Variants in RNPC3 observed in about 807,000 individuals in gnomAD.
RNPC3 encodes RNA-binding region-containing protein 3.
In RNPC3, 48 loss-of-function variants were observed where a neutral mutation model predicts 67.5. That is an observed-to-expected ratio of 0.71 (90% CI 0.56 to 0.90). RNPC3 has a LOEUF of 0.90. RNPC3 is among the 40% of genes least tolerant of loss of function. The probability of loss-of-function intolerance (pLI) is 0.00; values close to 1 mark genes in which losing one functional copy is unlikely to be tolerated. For missense variants in RNPC3, 637 were observed against 626.1 expected, an observed-to-expected ratio of 1.02 and a Z score of -0.19; for synonymous variants, 239 against 210.3, an observed-to-expected ratio of 1.14 and a Z score of -1.18.
intron 2 of RNPC3, among the ~76,000 whole-genome samples, chr1:103,528,118 T>G (rs1302428291): frequency 6.6e-6 from 1 of 152,228 alleles, no homozygotes; most frequent in Non-Finnish European, 1.5e-5. Context: ...TTGGATTTTT[T>G]CAGAAGGAAA....
chr1:103,551,827 C>A, intron 14 of RNPC3, 35 bp downstream of exon 14: 5 of 1,037,766 alleles, frequency 4.8e-6, no homozygotes, highest in South Asian at 1.6e-5. Flanking sequence ...AAAGACAAGA[C>A]TAATTCTTGA....
intron 11 of RNPC3, chr1:103,546,761 T>C (rs1651253159): frequency 7.1e-6 from 3 of 424,192 alleles, no homozygotes; most frequent in African/African-American, 6.2e-5. Context: ...CCTTGGCTTG[T>C]GGAAGCATCA....
chr1:103,540,055 T>G (rs1045956205), intron 7 of RNPC3, among the ~76,000 whole-genome samples: 3 of 152,136 alleles, frequency 2.0e-5, no homozygotes, highest in African/African-American at 4.8e-5. Context: ...TTTGTAGAGA[T>G]AGGGTTTCAC....
At chr1:103,553,724 T>A (rs983767496) in intron 14 of RNPC3, 2 of 152,208 alleles carry the variant, frequency 1.3e-5, no homozygotes, top group Non-Finnish European at 2.9e-5. Context: ...AAGGAAATGT[T>A]TTTCTTTTAA....
chr1:103,543,624 T>C (rs568632849), intron 9 of RNPC3, among the ~76,000 whole-genome samples, 177 bp downstream of exon 9: 29 of 151,918 alleles, frequency 1.9e-4, no homozygotes, highest in African/African-American at 7.0e-4. Context: ...CAGAAATTGA[T>C]GGTAAACGGT....
At chr1:103,552,526 T>A (rs945184148) in intron 14 of RNPC3, 1 of 151,930 alleles carries the variant, frequency 6.6e-6, no homozygotes, top group African/African-American at 2.4e-5. Context: ...ATTTGGGAAG[T>A]GGAGGTGGGC....
intron 2 of RNPC3, 85 bp from the exon 3 acceptor site, chr1:103,533,650 CAAAA>C (rs61717825): frequency 8.7e-5 from 54 of 619,740 alleles, no homozygotes; most frequent in Middle Eastern, 4.7e-4. Context: ...ACAGCATTAG[CAAAA>C]AAAAAAAAAA....
chr1:103,554,133 C>A (rs1027966654), intron 14 of RNPC3: 1 of 152,236 alleles, frequency 6.6e-6, no homozygotes, highest in Non-Finnish European at 1.5e-5. Flanking sequence ...ATGGGAGAAT[C>A]ACTTGAGCCC....
At position 103,529,289 on chromosome 1, in the gene RNPC3, TATATC is replaced by T. The variant is rs200023787; in HGVS notation, c.240+1551_240+1555del. ...TTCAGAAAAAAAGTATTTTTAAAAA[TATATC>T]ATAATACATTGTAAATAAAGTATGG... On this transcript the variant is annotated intron_variant, in intron 2 of 14. Transcript: ENST00000423855. Among the ~76,000 whole-genome samples, 227 of 152,286 alleles carry T rather than the reference TATATC, an allele frequency of 1.5e-3. 3 individuals carry two copies. In the East Asian group the frequency reaches 0.04, roughly 27 times the overall value.
At chr1:103,549,282 C>A (rs771473804) in intron 12 of RNPC3, among the ~76,000 whole-genome samples, 1 of 152,078 alleles carries the variant, frequency 6.6e-6, no homozygotes, top group Non-Finnish European at 1.5e-5. Flanking sequence ...AAAGAAGTGA[C>A]TATAACTAAA....
At chr1:103,539,742 G>GTA (rs1483362976) in intron 7 of RNPC3, among the ~76,000 whole-genome samples, 2 of 152,128 alleles carry the variant, frequency 1.3e-5, no homozygotes, top group Non-Finnish European at 2.9e-5. Flanking sequence ...AAGAAAAATG[G>GTA]TACAGGTTGA....
chr1:103,530,719 A>C (rs1650828730), intron 2 of RNPC3, among the ~76,000 whole-genome samples: 1 of 152,164 alleles, frequency 6.6e-6, no homozygotes, highest in African/African-American at 2.4e-5. Context: ...AAAGGTAGAA[A>C]CAGGGAAATC....
In RNPC3 at chr1:103,526,154, C is replaced by A. The variant is rs1236070863; in HGVS notation, c.84C>A (p.Thr28=). 6.4e-7 allele frequency: 1 copy of A among 1,551,352 alleles called. No homozygotes were observed. The highest frequency in any genetic ancestry group is 1.4e-5 in the African/African-American group (1 of 73,050). The change falls in exon 1 of 15, where the codon ACC becomes ACA. Residue 28 remains threonine, a synonymous_variant. Transcript: ENST00000423855. ...SSLSPPRGDR[T]LLVRHLPAEL... ...TTTCCCCGCCTCGGGGCGACCGAAC[C>A]CTTCTGGTCAGGCACCTGCCGGCTG...
At chr1:103,549,649 T>C (rs1651338621) in intron 12 of RNPC3, among the ~76,000 whole-genome samples, 1 of 152,214 alleles carries the variant, frequency 6.6e-6, no homozygotes, top group South Asian at 2.1e-4. Flanking sequence ...CTTTTGACTA[T>C]GATTTTCTCT....
chr1:103,529,283 T>A (rs1650784809), intron 2 of RNPC3, among the ~76,000 whole-genome samples: 1 of 152,190 alleles, frequency 6.6e-6, no homozygotes. Flanking sequence ...AAAGTATTTT[T>A]AAAAATATAT....
At chr1:103,551,185 G>C in intron 13 of RNPC3, 112 bp downstream of exon 13, 1 of 880,826 alleles carries the variant, frequency 1.1e-6, no homozygotes, top group Non-Finnish European at 1.7e-6. Flanking sequence ...TCTAGCAGTA[G>C]ATATTCATTC....
intron 8 of RNPC3, among the ~76,000 whole-genome samples, chr1:103,542,552 T>A (rs1651146001): frequency 6.6e-6 from 1 of 151,988 alleles, no homozygotes; most frequent in Non-Finnish European, 1.5e-5. Context: ...AGATTTGGGA[T>A]AAGGGTCAGA....
chr1:103,535,544 C>A, intron 5 of RNPC3, 103 bp downstream of exon 5: 1 of 643,006 alleles, frequency 1.6e-6, no homozygotes, highest in Non-Finnish European at 2.6e-6. Context: ...TCTAGACAGC[C>A]AGTGATACAG....
chr1:103,551,025 C>A lies in RNPC3; in HGVS notation c.1446C>A (p.Ala482=). The A allele has an allele frequency of 6.2e-7, 1 of 1,612,610 alleles. No homozygotes were observed. Among genetic ancestry groups the A allele is most frequent in the Non-Finnish European group, 8.5e-7 (1 of 1,179,576 alleles). The change falls in exon 13 of 15, where the codon GCC becomes GCA. Residue 482 remains alanine (A), a synonymous_variant. Transcript: ENST00000423855. ...CTAATGAAAAAGCAGCAGCAAAAGC[C>A]TTAAAGGAAGCTAATGGATATGTGC... ...GLPNEKAAAK[A]LKEANGYVLF...
Sources: allele counts gnomAD v4.1 joint callset (sites outside exome capture counted in the v4.1 genomes callset), GRCh38; gene constraint gnomAD v4.1.1; transcripts MANE v1.5; gene names NCBI Gene and HGNC (gene_info 2026-07-23, HGNC 2026-07-21).